The following DENND5B variants were observed in gnomAD, a reference collection of about 807,000 sequenced individuals.
The protein encoded by DENND5B is DENN domain-containing protein 5B.
DENND5B carries 34 observed loss-of-function variants against 140.6 expected under a neutral mutation model. The ratio of observed to expected loss-of-function variants is 0.24; its 90% CI spans 0.18 to 0.32. DENND5B has a LOEUF of 0.32. DENND5B is among the 10% of genes least tolerant of loss of function. The pLI, the probability that DENND5B is intolerant of heterozygous loss-of-function variation, is 1.00. For synonymous variants in DENND5B, 551 were observed against 562.1 expected (o/e 0.98, Z 0.28); for missense variants, 1,142 against 1,560.2 (o/e 0.73, Z 4.52).
Position 31,479,951 on chromosome 12 carries a change from A to C in DENND5B, c.542T>G (p.Ile181Ser). 6.2e-7 allele frequency: 1 copy of C among 1,614,040 alleles called. No individual in the cohort carries two copies. Among genetic ancestry groups the C allele is most frequent in the Non-Finnish European group, 8.5e-7 (1 of 1,179,882 alleles). The change falls in exon 3 of 21, where the codon ATT becomes AGT. Residue 181 changes from isoleucine (I) to serine (S), a missense_variant. Around this residue, in one of 5 missense-constraint regions of DENND5B, gnomAD observed 708 missense variants for 905.5 expected, o/e 0.78. Transcript: ENST00000389082. ...LKLQRYNSYD[I>S]SRDTLYVSKS... ...TGAAACATACAGGGTGTCTCTGCTAATATCATAGGAGTTGTATCGCTGGAG... is the reference window on the plus strand; with the variant it reads ...TGAAACATACAGGGTGTCTCTGCTACTATCATAGGAGTTGTATCGCTGGAG...
At chr12:31,499,311 A>G (rs1184678485) in intron 1 of DENND5B, among the ~76,000 whole-genome samples, 1 of 152,236 alleles carries the variant, frequency 6.6e-6, no homozygotes, top group African/African-American at 2.4e-5. Flanking sequence ...CTTAACTCCA[A>G]GTAACACTGC....
At position 31,423,825 on chromosome 12, in the gene DENND5B, TG is replaced by T. The variant is rs543618488; in HGVS notation, c.2392-151del. ...GTTGTATGACATTCTGAGCATCTTC[TG>T]CATGTATCATAAAGGTCATCCTGTA... is the stretch of plus-strand genomic sequence containing the variant. On this transcript the variant is annotated intron_variant, in intron 10 of 20. Transcript: ENST00000389082. 22 of 722,788 alleles carry T rather than the reference TG, an allele frequency of 3.0e-5. No homozygotes were observed. The South Asian group carries it at 3.9e-4, about 13-fold the overall frequency. 44.8% of individuals were successfully genotyped at this position (722,788 alleles called of 1,614,324 possible).
At position 31,460,181 on chromosome 12, in the gene DENND5B, A is replaced by G; in HGVS notation, c.1092+13T>C. ...GCAAACAGCAAATGCTTCATCATTC[A>G]TTGTAGTTTTACCTCTTGAGGAAGT... is the stretch of plus-strand genomic sequence containing the variant. On this transcript the variant is annotated intron_variant, in intron 4 of 20. Coordinates refer to ENST00000389082, the MANE Select transcript of DENND5B (RefSeq NM_144973.4). The G allele has an allele frequency of 6.2e-7, 1 of 1,601,840 alleles. No homozygotes were observed. Among genetic ancestry groups the G allele is most frequent in the Non-Finnish European group, 8.5e-7 (1 of 1,172,390 alleles).
In DENND5B at chr12:31,458,948, C is replaced by A. The variant is rs181917354; in HGVS notation, c.1092+1246G>T. Among the ~76,000 whole-genome samples, 374 of 152,286 alleles carry A rather than the reference C, an allele frequency of 2.5e-3. 2 individuals carry two copies. Among genetic ancestry groups the A allele is most frequent in the Non-Finnish European group, 4.1e-3 (281 of 68,028 alleles). On this transcript the variant is annotated intron_variant, in intron 4 of 20. Coordinates refer to ENST00000389082, the MANE Select transcript of DENND5B (RefSeq NM_144973.4). ...AACAATTAGGCCAGGCACGGTGGCT[C>A]ATGCCTGTAATCCCAGCATTTTGGG...
intron 9 of DENND5B, 33 bp downstream of exon 9, chr12:31,426,260 G>A: frequency 6.3e-7 from 1 of 1,585,992 alleles, no homozygotes; most frequent in East Asian, 2.2e-5. Flanking sequence ...AAACATGAAT[G>A]CACACTGTCT....
intron 7 of DENND5B, among the ~76,000 whole-genome samples, chr12:31,436,586 G>A (rs1850622834): frequency 6.6e-6 from 1 of 151,444 alleles, no homozygotes; most frequent in East Asian, 2.0e-4. Context: ...CCAGGCTGGA[G>A]TGCAATGCCG....
intron 8 of DENND5B, among the ~76,000 whole-genome samples, chr12:31,427,812 G>A (rs1049254404): frequency 1.3e-5 from 2 of 152,102 alleles, no homozygotes; most frequent in African/African-American, 4.8e-5. Context: ...GGGCACATAT[G>A]TGAAATCTAT....
chr12:31,523,983 T>C (rs73297842), intron 1 of DENND5B, among the ~76,000 whole-genome samples: 22,547 of 151,802 alleles, frequency 0.15, 1,874 homozygotes, highest in East Asian at 0.25. Context: ...TGAATCCTAA[T>C]TAACATCTGT....
At chr12:31,585,897 G>T (rs1361476140) in intron 1 of DENND5B, among the ~76,000 whole-genome samples, 1 of 152,188 alleles carries the variant, frequency 6.6e-6, no homozygotes, top group East Asian at 1.9e-4. Context: ...TAGGAGGGCT[G>T]AATCCAGGCT....
rs142523286 is a variant in DENND5B at position 31,419,255 on chromosome 12, C to A, written c.2471-3807G>T. 1.4e-3 allele frequency among the ~76,000 whole-genome samples: 212 copies of A among 152,288 alleles called. 3 individuals carry two copies. In the Middle Eastern group the frequency reaches 0.024, roughly 17 times the overall value. Reference sequence around the variant, plus strand: ...AAAATAAAGATTCATGGATTTAATTCTTGGCTACGAGAATTTGCTCATCTG... The same window carrying A: ...AAAATAAAGATTCATGGATTTAATTATTGGCTACGAGAATTTGCTCATCTG... On this transcript the variant is annotated intron_variant, in intron 11 of 20. Coordinates refer to ENST00000389082, the MANE Select transcript of DENND5B (RefSeq NM_144973.4).
intron 6 of DENND5B, among the ~76,000 whole-genome samples, chr12:31,444,897 C>T (rs577566817): frequency 6.6e-6 from 1 of 152,312 alleles, no homozygotes; most frequent in Admixed American, 6.5e-5. Context: ...GGGAATACAA[C>T]AGGGTGATGT....
At chr12:31,415,793 G>T (rs1204673790) in intron 11 of DENND5B, among the ~76,000 whole-genome samples, 1 of 151,926 alleles carries the variant, frequency 6.6e-6, no homozygotes, top group Non-Finnish European at 1.5e-5. Flanking sequence ...TCCCTATGTT[G>T]CCCAGGCTGG....
At chr12:31,478,866 C>T (rs1945939734) in intron 3 of DENND5B, among the ~76,000 whole-genome samples, 1 of 152,158 alleles carries the variant, frequency 6.6e-6, no homozygotes, top group South Asian at 2.1e-4. Flanking sequence ...AGTCTAGGCT[C>T]AGCATTAGTC....
chr12:31,569,808 T>A (rs1949754991), intron 1 of DENND5B, among the ~76,000 whole-genome samples: 1 of 151,722 alleles, frequency 6.6e-6, no homozygotes, highest in African/African-American at 2.4e-5. Context: ...TGAGACTCTG[T>A]CTCAAAAAAT....
chr12:31,427,282 C>T (rs932706971), intron 8 of DENND5B, among the ~76,000 whole-genome samples: 3 of 151,998 alleles, frequency 2.0e-5, no homozygotes, highest in African/African-American at 7.2e-5. Context: ...AAGACATGTG[C>T]TCTCTCTCTT....
At chr12:31,535,930 A>C (rs1384273491) in intron 1 of DENND5B, among the ~76,000 whole-genome samples, 1 of 152,094 alleles carries the variant, frequency 6.6e-6, no homozygotes, top group African/African-American at 2.4e-5. Flanking sequence ...GTGGGAGGCG[A>C]CTGGATCATG....
rs1946190202 is a variant in DENND5B at position 31,484,001 on chromosome 12, G to T, written c.238-3746C>A. Among the ~76,000 whole-genome samples, 5 of 151,330 alleles carry T rather than the reference G, an allele frequency of 3.3e-5. No individual in the cohort carries two copies. In the South Asian group the frequency reaches 6.3e-4, roughly 19 times the overall value. ...CCCGAGTAGCTGGGACTACAGGCCTGCACCACCATGCCCAGCTAATTTTGT... is the reference window on the plus strand; with the variant it reads ...CCCGAGTAGCTGGGACTACAGGCCTTCACCACCATGCCCAGCTAATTTTGT... On this transcript the variant is annotated intron_variant, in intron 2 of 20. Coordinates refer to ENST00000389082, the MANE Select transcript of DENND5B (RefSeq NM_144973.4).
chr12:31,574,728 T>A (rs1157561170), intron 1 of DENND5B, among the ~76,000 whole-genome samples: 1 of 152,180 alleles, frequency 6.6e-6, no homozygotes, highest in Non-Finnish European at 1.5e-5. Flanking sequence ...ATTGGCCCCA[T>A]CCACCAGAAA....
intron 1 of DENND5B, among the ~76,000 whole-genome samples, chr12:31,534,254 G>A (rs1391952311): frequency 6.6e-6 from 1 of 151,942 alleles, no homozygotes; most frequent in Non-Finnish European, 1.5e-5. Context: ...CTGCCTTCCA[G>A]GTTCAAGCGA....
Sources: gnomAD v4.1 joint callset for allele counts (sites outside exome capture counted in the v4.1 genomes callset) on GRCh38, gnomAD v4.1.1 for gene constraint, gnomAD v4.1.1 regional missense constraint, MANE v1.5 for transcripts, NCBI Gene and HGNC (gene_info 2026-07-23, HGNC 2026-07-21) for gene names.